The following DHTKD1 variants were observed in gnomAD, a reference collection of about 807,000 sequenced individuals.
The protein encoded by DHTKD1 is dehydrogenase E1 and transketolase domain containing 1, also known as 2-oxoadipate dehydrogenase complex component E1.
DHTKD1 carries 78 observed loss-of-function variants against 101.8 expected under a neutral mutation model. The ratio of observed to expected loss-of-function variants is 0.77; its 90% CI spans 0.64 to 0.93. DHTKD1 has a LOEUF of 0.93. Ranked by LOEUF, DHTKD1 falls within the 40% of genes least tolerant of loss-of-function variation. DHTKD1 has a pLI of 0.00. For synonymous variants in DHTKD1, 462 were observed against 450.3 expected (o/e 1.03, Z -0.33); for missense variants, 1,223 against 1,161.7 (o/e 1.05, Z -0.77).
intron 7 of DHTKD1, among the ~76,000 whole-genome samples, chr10:12,097,212 G>C (rs1307214775): frequency 6.6e-6 from 1 of 151,978 alleles, no homozygotes; most frequent in Non-Finnish European, 1.5e-5. Flanking sequence ...CATCACTTCT[G>C]TCAAGTTCCA....
At chr10:12,072,830 G>A (rs974488862) in intron 1 of DHTKD1, among the ~76,000 whole-genome samples, 1 of 151,646 alleles carries the variant, frequency 6.6e-6, no homozygotes, top group Middle Eastern at 3.2e-3. Context: ...TCTGCCTCCT[G>A]GGTTCAAGTG....
rs1267223701 is a variant in DHTKD1, at chr10:12,122,514, AG to A, written c.*1628del. ...GTGTCTGTAATCCCAGCTATTCGGG[AG>A]GCTGAGGCAGGAGAATCGCTTGAAC... On this transcript the variant is annotated 3_prime_UTR_variant, in exon 17 of 17. Transcript: ENST00000263035. The A allele has an allele frequency of 6.6e-6, 1 of 152,188 alleles. No individual in the cohort carries two copies. Among genetic ancestry groups the A allele is most frequent in the Non-Finnish European group, 1.5e-5 (1 of 68,110 alleles). 9.4% of individuals were successfully genotyped at this position (152,188 alleles called of 1,614,324 possible).
chr10:12,089,795 C>T (rs373345838), intron 5 of DHTKD1, among the ~76,000 whole-genome samples: 1 of 152,030 alleles, frequency 6.6e-6, no homozygotes, highest in South Asian at 2.1e-4. Context: ...CTCAGCCTCC[C>T]GAGTAGCTGG....
At chr10:12,090,505 T>G (rs1484160826) in intron 5 of DHTKD1, among the ~76,000 whole-genome samples, 1 of 151,072 alleles carries the variant, frequency 6.6e-6, no homozygotes, top group African/African-American at 2.4e-5. Context: ...TCTTTCAAGA[T>G]GGGTTCTCAA....
rs1833310757 is a variant in DHTKD1 at position 12,110,334 on chromosome 10, T to A, written c.2154+2319T>A. On this transcript the variant is annotated intron_variant, in intron 12 of 16. Transcript: ENST00000263035. This position sits in a 1 kb window ranked among gnomAD's most constrained non-coding sequence, Gnocchi z 4.9. ...TGTGGTCCAATACAAATTCATAAAC[T>A]TTCTTAAAACATTATTTGTGATTTT... 6.6e-6 allele frequency among the ~76,000 whole-genome samples: 1 copy of A among 151,938 alleles called. No individual in the cohort carries two copies. The highest frequency in any genetic ancestry group is 2.4e-5 in the African/African-American group (1 of 41,340).
chr10:12,092,314 A>G (rs1466791536), intron 6 of DHTKD1, among the ~76,000 whole-genome samples: 2 of 152,032 alleles, frequency 1.3e-5, no homozygotes, highest in Non-Finnish European at 2.9e-5. Context: ...CAAAGAAATA[A>G]GACAAGGATG....
Position 12,084,538 on chromosome 10 carries a change from A to G in DHTKD1, c.311-2A>G, listed in dbSNP as rs1020640859. Reference sequence around the variant, plus strand: ...GATGACCCCTTTGATTGTATTTCACAGGATTATTGAACATGGGGAAGGAAG... The same window carrying G: ...GATGACCCCTTTGATTGTATTTCACGGGATTATTGAACATGGGGAAGGAAG... On this transcript the variant is annotated splice_acceptor_variant, in intron 2 of 16. Transcript: ENST00000263035. LOFTEE classifies it high-confidence loss of function. The G allele has an allele frequency of 1.9e-6, 3 of 1,581,116 alleles. No homozygotes were observed. Among genetic ancestry groups the G allele is most frequent in the South Asian group, 1.1e-5 (1 of 90,320 alleles).
intron 8 of DHTKD1, among the ~76,000 whole-genome samples, chr10:12,099,686 A>C (rs1425118398): frequency 6.6e-6 from 1 of 152,106 alleles, no homozygotes; most frequent in Non-Finnish European, 1.5e-5. Context: ...AGACTGCCTC[A>C]GAAAAAAATA....
chr10:12,100,948 C>A, intron 9 of DHTKD1, 94 bp from the exon 10 acceptor site: 2 of 1,286,782 alleles, frequency 1.6e-6, no homozygotes, highest in Non-Finnish European at 1.1e-6. Flanking sequence ...GGAAAATTCT[C>A]AGGATTAAGC....
intron 15 of DHTKD1, among the ~76,000 whole-genome samples, chr10:12,119,976 G>A (rs544933021): frequency 1.3e-5 from 2 of 152,258 alleles, no homozygotes; most frequent in East Asian, 3.9e-4. Context: ...ATGAAGTGTT[G>A]AATATCTCAG....
chr10:12,083,615 T>C (rs10906069), intron 2 of DHTKD1, among the ~76,000 whole-genome samples: 72,536 of 151,792 alleles, frequency 0.48, 19,409 homozygotes, highest in South Asian at 0.72. Flanking sequence ...GCACGTGTAG[T>C]CCCAGCTACT....
At chr10:12,105,477 A>G (rs886980396) in intron 10 of DHTKD1, among the ~76,000 whole-genome samples, 5 of 151,836 alleles carry the variant, frequency 3.3e-5, no homozygotes, top group Non-Finnish European at 5.9e-5. Flanking sequence ...CACCATGCCC[A>G]GCTAATTTTT....
chr10:12,069,026 T>G lies in DHTKD1; in HGVS notation c.-8T>G. The G allele has an allele frequency of 1.9e-6, 3 of 1,613,104 alleles. No homozygotes were observed. The highest frequency in any genetic ancestry group is 2.2e-5 in the South Asian group (2 of 91,046). On this transcript the variant is annotated 5_prime_UTR_variant, in exon 1 of 17. Transcript: ENST00000263035. The stretch of plus-strand genomic sequence containing the variant: ...GCCTTAGCATGCTGGCCGGGACATC[T>G]GGTGAACATGGCCTCTGCTACTGCG...
chr10:12,081,410 AT>A, intron 1 of DHTKD1, 61 bp from the exon 2 acceptor site: 1 of 1,422,058 alleles, frequency 7.0e-7, no homozygotes, highest in Non-Finnish European at 9.9e-7. Context: ...TGAAAATCTG[AT>A]TTTTGTGATT....
Position 12,073,475 on chromosome 10 carries a change from T to A in DHTKD1, c.154+4288T>A, listed in dbSNP as rs552820266. Among the ~76,000 whole-genome samples, 11 of 152,148 alleles carry A rather than the reference T, an allele frequency of 7.2e-5. No individual in the cohort carries two copies. The East Asian group carries it at 2.1e-3, about 29-fold the overall frequency. ...GATTCTCCTGCCTCAGCCTCTTGAGTAGCTGGGACTACAGGTGCTCACCAC... is the reference window on the plus strand; with the variant it reads ...GATTCTCCTGCCTCAGCCTCTTGAGAAGCTGGGACTACAGGTGCTCACCAC... On this transcript the variant is annotated intron_variant, in intron 1 of 16. Coordinates refer to ENST00000263035, the MANE Select transcript of DHTKD1 (RefSeq NM_018706.7).
intron 1 of DHTKD1, among the ~76,000 whole-genome samples, chr10:12,081,197 C>T (rs902122200): frequency 7.1e-6 from 1 of 141,604 alleles, no homozygotes; most frequent in Admixed American, 7.5e-5. Context: ...TGGCGTGAAC[C>T]TGGGAGGCAG....
chr10:12,109,929 CAT>C (rs1833302265), intron 12 of DHTKD1, among the ~76,000 whole-genome samples: 1 of 152,076 alleles, frequency 6.6e-6, no homozygotes, highest in African/African-American at 2.4e-5. Flanking sequence ...CTGTCTGGGA[CAT>C]ATTAAGGACT....
At chr10:12,085,282 C>CCT (rs1351061295) in intron 3 of DHTKD1, among the ~76,000 whole-genome samples, 4 of 151,940 alleles carry the variant, frequency 2.6e-5, no homozygotes, top group African/African-American at 9.7e-5. Context: ...TGCACTCCAG[C>CCT]CTGGGTGACA....
rs770209131 is a variant in DHTKD1 at position 12,103,618 on chromosome 10, C to T, written c.1896+2437C>T. ...GTAGCCTCCAGCTCTTAGGCACAAG[C>T]AATTGTCCCGCCTCAGCCTCTCAAG... is the stretch of plus-strand genomic sequence containing the variant. On this transcript the variant is annotated intron_variant, in intron 10 of 16. Coordinates refer to ENST00000263035, the MANE Select transcript of DHTKD1 (RefSeq NM_018706.7). The surrounding 1 kb of genome is among the most constrained non-coding windows in gnomAD (Gnocchi z 4.8). Among the ~76,000 whole-genome samples, 1 of 151,880 alleles carries T rather than the reference C, an allele frequency of 6.6e-6. No individual in the cohort carries two copies.
Sources: gnomAD v4.1 joint callset for allele counts (sites outside exome capture counted in the v4.1 genomes callset) on GRCh38, gnomAD v4.1.1 for gene constraint, Gnocchi (gnomAD v3.1) non-coding constraint, MANE v1.5 for transcripts, NCBI Gene and HGNC (gene_info 2026-07-23, HGNC 2026-07-21) for gene names.